MLLT10: variants seen among roughly 807,000 people sequenced by gnomAD.
MLLT10 encodes the protein MLLT10 histone lysine methyltransferase DOT1L cofactor.
In MLLT10, 30 loss-of-function variants were observed where a neutral mutation model predicts 129.1. That is an observed-to-expected ratio of 0.23 (90% CI 0.17 to 0.32). The LOEUF (loss-of-function observed/expected upper bound fraction) is 0.32. MLLT10 is among the 10% of genes least tolerant of loss of function. The pLI is 1.00. For synonymous variants in MLLT10, 490 were observed against 446.4 expected (o/e 1.10, Z -1.23); for missense variants, 1,119 against 1,268.3 (o/e 0.88, Z 1.79).
At chr10:21,571,528 A>C (rs1388644542) in intron 3 of MLLT10, among the ~76,000 whole-genome samples, 2 of 152,214 alleles carry the variant, frequency 1.3e-5, no homozygotes, top group Non-Finnish European at 2.9e-5. Context: ...TCTTCCAGGG[A>C]TGACTGTGTT....
intron 6 of MLLT10, among the ~76,000 whole-genome samples, chr10:21,613,475 G>A (rs1291532350): frequency 6.6e-6 from 1 of 152,118 alleles, no homozygotes; most frequent in Non-Finnish European, 1.5e-5. Context: ...CGTAATGACT[G>A]TACCAAATTT....
At chr10:21,551,776 G>A (rs1006739983) in intron 3 of MLLT10, 2 of 402,312 alleles carry the variant, frequency 5.0e-6, no homozygotes, top group Admixed American at 6.5e-5. Context: ...TTTAAATTAA[G>A]TCTAATAGTT....
chr10:21,646,479 C>CTT (rs78709453), intron 8 of MLLT10, among the ~76,000 whole-genome samples: 1 of 144,254 alleles, frequency 6.9e-6, no homozygotes, highest in African/African-American at 2.5e-5. Flanking sequence ...ATTTTGAAAA[C>CTT]TTTTTTTTTT....
chr10:21,553,264 GAT>G (rs1245415400), intron 3 of MLLT10, among the ~76,000 whole-genome samples: 2 of 151,886 alleles, frequency 1.3e-5, no homozygotes, highest in African/African-American at 4.8e-5. Flanking sequence ...AGAATTTGAA[GAT>G]ATTTCTCTAC....
At chr10:21,556,823 C>T (rs1401136355) in intron 3 of MLLT10, 1 of 1,559,444 alleles carries the variant, frequency 6.4e-7, no homozygotes, top group Non-Finnish European at 8.7e-7. Flanking sequence ...CTTCGGTCCT[C>T]AGTCATTTAC....
chr10:21,703,542 C>T (rs1467644229), intron 13 of MLLT10, among the ~76,000 whole-genome samples: 1 of 151,986 alleles, frequency 6.6e-6, no homozygotes, highest in Non-Finnish European at 1.5e-5. Context: ...TCTTGCTAGA[C>T]CTGGGAAGTT....
intron 3 of MLLT10, among the ~76,000 whole-genome samples, chr10:21,542,877 C>T (rs1044705250): frequency 6.6e-6 from 1 of 152,128 alleles, no homozygotes; most frequent in Non-Finnish European, 1.5e-5. Flanking sequence ...CAAAGTGAAA[C>T]CCTCTTTAAG....
chr10:21,727,803 A>AC, intron 15 of MLLT10, 53 bp from the exon 16 acceptor site: 3 of 1,430,038 alleles, frequency 2.1e-6, no homozygotes, highest in Non-Finnish European at 2.9e-6. Context: ...AGAGTTTAAA[A>AC]CCTCTTATCT....
chr10:21,728,000 T>A, intron 16 of MLLT10, 72 bp downstream of exon 16: 3 of 1,238,278 alleles, frequency 2.4e-6, no homozygotes, highest in South Asian at 2.6e-5. Context: ...TTATCTCATA[T>A]CAGTAGAGTG....
chr10:21,680,163 G>A (rs140970332), intron 11 of MLLT10, among the ~76,000 whole-genome samples: 1 of 151,984 alleles, frequency 6.6e-6, no homozygotes, highest in African/African-American at 2.4e-5. Context: ...GAATAAAAGA[G>A]TAAGGGTAAT....
rs77656923 is a variant in MLLT10, at chr10:21,684,693, T to A, written c.1699+2436T>A. 1.4e-4 allele frequency among the ~76,000 whole-genome samples: 21 copies of A among 152,344 alleles called. No individual in the cohort carries two copies. The East Asian group carries it at 3.3e-3, about 24-fold the overall frequency. ...TCAATCTAAAGTGCAAATCAGACCATGTCAAACTGTCTTACTTAGAGAATT... is the reference window on the plus strand; with the variant it reads ...TCAATCTAAAGTGCAAATCAGACCAAGTCAAACTGTCTTACTTAGAGAATT... On this transcript the variant is annotated intron_variant, in intron 13 of 22. Transcript: ENST00000307729.
At chr10:21,661,954 T>A (rs906109731) in intron 9 of MLLT10, among the ~76,000 whole-genome samples, 17 of 152,200 alleles carry the variant, frequency 1.1e-4, no homozygotes, top group Non-Finnish European at 2.5e-4. Flanking sequence ...ACTGTTTTTG[T>A]CATTCACAGC....
chr10:21,739,031 G>C (rs149971011), intron 21 of MLLT10, among the ~76,000 whole-genome samples: 42 of 152,262 alleles, frequency 2.8e-4, no homozygotes, highest in African/African-American at 9.4e-4. Flanking sequence ...CCGAACAGCT[G>C]ATCTTCCTGC....
intron 20 of MLLT10, among the ~76,000 whole-genome samples, 171 bp from the exon 21 acceptor site, chr10:21,734,968 T>C (rs1318748567): frequency 1.3e-5 from 2 of 152,220 alleles, no homozygotes; most frequent in Non-Finnish European, 2.9e-5. Flanking sequence ...CATGGATGTA[T>C]ATAAACATAC....
In MLLT10 at chr10:21,704,371, A is replaced by C. The variant is rs986717560; in HGVS notation, c.1700-9401A>C. On this transcript the variant is annotated intron_variant, in intron 13 of 22. Transcript: ENST00000307729. ...TCTCTCTCTCTCTATATATATATAT[A>C]TATATATATATAATTATTACTGAAT... Among the ~76,000 whole-genome samples the C allele has an allele frequency of 5.0e-3, 725 of 145,664 alleles. 8 individuals are homozygous for C. In the East Asian group the frequency reaches 0.053, roughly 11 times the overall value.
At chr10:21,654,253 A>C (rs1042319438) in intron 9 of MLLT10, among the ~76,000 whole-genome samples, 1 of 152,186 alleles carries the variant, frequency 6.6e-6, no homozygotes, top group Non-Finnish European at 1.5e-5. Flanking sequence ...GCAGAAGAAT[A>C]GGTTAGGGAA....
intron 3 of MLLT10, among the ~76,000 whole-genome samples, chr10:21,551,536 C>T (rs925656034): frequency 1.3e-5 from 2 of 151,622 alleles, no homozygotes; most frequent in South Asian, 2.1e-4. Flanking sequence ...CATCATAGAC[C>T]GATAACATAG....
intron 16 of MLLT10, among the ~76,000 whole-genome samples, chr10:21,728,347 T>C (rs1038434925): frequency 1.3e-5 from 2 of 152,228 alleles, no homozygotes; most frequent in Non-Finnish European, 2.9e-5. Context: ...GGTAGATCAC[T>C]AAACTCCTAC....
intron 3 of MLLT10, among the ~76,000 whole-genome samples, chr10:21,574,898 T>C (rs2040574429): frequency 6.6e-6 from 1 of 152,168 alleles, no homozygotes; most frequent in African/African-American, 2.4e-5. Context: ...AGCAAGGTTT[T>C]TATGTCTTGT....
Sources: gnomAD v4.1 joint callset for allele counts (sites outside exome capture counted in the v4.1 genomes callset) on GRCh38, gnomAD v4.1.1 for gene constraint, MANE v1.5 for transcripts, NCBI Gene and HGNC (gene_info 2026-07-23, HGNC 2026-07-21) for gene names.